The following CC2D2A variants were observed in gnomAD, a reference collection of about 807,000 sequenced individuals.
The protein encoded by CC2D2A is coiled-coil and C2 domain containing 2A.
In CC2D2A, 155 loss-of-function variants were observed where a neutral mutation model predicts 212.9. The observed-to-expected ratio is 0.73, with a 90% CI of 0.64 to 0.83. CC2D2A has a LOEUF of 0.83. Among genes scored for constraint, CC2D2A ranks in the 40% least tolerant of loss-of-function variants. The pLI, the probability that CC2D2A is intolerant of heterozygous loss-of-function variation, is 0.00. For synonymous variants in CC2D2A, 667 were observed against 686.5 expected, an observed-to-expected ratio of 0.97 and a Z score of 0.44; for missense variants, 1,856 against 1,956.2, an observed-to-expected ratio of 0.95 and a Z score of 0.97.
chr4:15,521,996 T>A (rs1224903931), intron 11 of CC2D2A, among the ~76,000 whole-genome samples: 1 of 152,072 alleles, frequency 6.6e-6, no homozygotes, highest in East Asian at 1.9e-4. Context: ...GCCATGAATT[T>A]GAGAACAGCC....
chr4:15,577,453 C>A (rs1207779724), intron 29 of CC2D2A, among the ~76,000 whole-genome samples: 1 of 152,108 alleles, frequency 6.6e-6, no homozygotes, highest in Non-Finnish European at 1.5e-5. Flanking sequence ...CATAAGTGAC[C>A]CAAATTCTTT....
chr4:15,595,164 T>G (rs905506022), intron 33 of CC2D2A, among the ~76,000 whole-genome samples: 1 of 152,168 alleles, frequency 6.6e-6, no homozygotes, highest in Non-Finnish European at 1.5e-5. Flanking sequence ...GTAGAAAATC[T>G]GTTTCATTCA....
At position 15,511,373 on chromosome 4, in the gene CC2D2A, G is replaced by A. The variant is rs1471249662; in HGVS notation, c.667G>A (p.Glu223Lys). 1.3e-6 allele frequency: 2 copies of A among 1,560,602 alleles called. No homozygotes were observed. Among genetic ancestry groups the A allele is most frequent in the South Asian group, 1.2e-5 (1 of 80,710 alleles). Reference sequence around the variant, plus strand: ...TAGAGCGGGAACTAATCAAGAGGAGGAGGAAGGGGAAGAAGAAGAACCACC... The same window carrying A: ...TAGAGCGGGAACTAATCAAGAGGAGAAGGAAGGGGAAGAAGAAGAACCACC... ...RHRAGTNQEE[E>K]EGEEEEPPAQ... Residue 223 changes from glutamate to lysine, a missense_variant, in exon 8 of 37, where the codon GAG (glutamate) becomes AAG (lysine). Glu to Lys is a moderately conservative substitution (Grantham distance 56, BLOSUM62 1). This residue lies in a region of CC2D2A where 1,512 missense variants were observed against 1,579.3 expected (regional missense o/e 0.96). Transcript: ENST00000424120.
At chr4:15,565,773 T>C (rs910288530) in intron 24 of CC2D2A, among the ~76,000 whole-genome samples, 2 of 152,040 alleles carry the variant, frequency 1.3e-5, no homozygotes, top group Admixed American at 6.6e-5. Context: ...CAAGCCCAGC[T>C]AATTTGTTTT....
rs2109070129 is a variant in CC2D2A at position 15,567,388 on chromosome 4, AG to A, written c.3195del (p.Gln1065HisfsTer34). 6.2e-7 allele frequency: 1 copy of A among 1,613,134 alleles called. No individual in the cohort carries two copies. The highest frequency in any genetic ancestry group is 8.5e-7 in the Non-Finnish European group (1 of 1,179,410). The stretch of plus-strand genomic sequence containing the variant: ...ATTTTCTCTCCTAGCAAATTCCAGC[AG>A]CCGTCGAGGTCTTCAAGGATGTTCA... ...VRKPAVSKFQ[Q>X]PSRSSRMFSE... is the part of the protein sequence containing the mutation. On this transcript the variant is annotated frameshift_variant, in exon 25 of 37. Transcript: ENST00000424120. LOFTEE classifies it high-confidence loss of function.
chr4:15,553,184 G>A lies in CC2D2A; in HGVS notation c.2365G>A (p.Gly789Ser), dbSNP rs3733641. ...AGTGCCCTTCTCATTTGAAGCTGAT[G>A]GCAGTAACCAGCTGACTCTGATGAC... ...SGVPFSFEAD[G>S]SNQLTLMTSG... Residue 789 changes from glycine (G) to serine (S), a missense_variant, in exon 19 of 37, where the codon GGC becomes AGC. This residue lies in a region of CC2D2A where 1,512 missense variants were observed against 1,579.3 expected (regional missense o/e 0.96). Transcript: ENST00000424120. The A allele has an allele frequency of 8.7e-6, 14 of 1,603,964 alleles. No individual in the cohort carries two copies. In the East Asian group the frequency reaches 2.9e-4, roughly 34 times the overall value.
chr4:15,597,276 C>T (rs181239679), intron 34 of CC2D2A, 131 bp from the exon 35 acceptor site: 12 of 708,972 alleles, frequency 1.7e-5, no homozygotes, highest in Non-Finnish European at 3.0e-5. Flanking sequence ...GTCATGGGTA[C>T]ATCAGCATGC....
intron 6 of CC2D2A, among the ~76,000 whole-genome samples, 185 bp downstream of exon 6, chr4:15,503,108 G>A (rs1577330287): frequency 6.6e-6 from 1 of 152,000 alleles, no homozygotes; most frequent in East Asian, 1.9e-4. Flanking sequence ...ACCAGCCTGG[G>A]CAACAGAGCA....
At chr4:15,475,834 C>G in intron 1 of CC2D2A, 81 bp from the exon 2 acceptor site, 1 of 1,137,232 alleles carries the variant, frequency 8.8e-7, no homozygotes, top group South Asian at 1.3e-5. Context: ...CCATCATGGC[C>G]AGCCTCTTAC....
rs1034104092 is a variant in CC2D2A at position 15,517,041 on chromosome 4, G to A, written c.1149+285G>A. Among the ~76,000 whole-genome samples, 33 of 146,758 alleles carry A rather than the reference G, an allele frequency of 2.2e-4. 1 individual carries two copies. Among genetic ancestry groups the A allele is most frequent in the Admixed American group, 2.0e-3 (28 of 14,318 alleles). The stretch of plus-strand genomic sequence containing the variant: ...CGGCTCACTGCAGGCTCCGCCTCCC[G>A]GGTTCACGCCATTCTCCTGCCTCAG... On this transcript the variant is annotated intron_variant, in intron 11 of 36. Coordinates refer to ENST00000424120, the MANE Select transcript of CC2D2A (RefSeq NM_001378615.1).
chr4:15,505,284 T>G (rs1460170610), intron 6 of CC2D2A, among the ~76,000 whole-genome samples: 1 of 152,242 alleles, frequency 6.6e-6, no homozygotes, highest in East Asian at 1.9e-4. Flanking sequence ...AGATTTGTGA[T>G]AGGTGAACAA....
At chr4:15,559,696 T>C (rs1322043769) in intron 22 of CC2D2A, among the ~76,000 whole-genome samples, 1 of 149,262 alleles carries the variant, frequency 6.7e-6, no homozygotes, top group Non-Finnish European at 1.5e-5. Context: ...CTTCCTTCAA[T>C]AAACTTAACT....
At chr4:15,567,591 C>T (rs1305940112) in intron 25 of CC2D2A, 86 bp from the exon 26 acceptor site, 8 of 1,304,772 alleles carry the variant, frequency 6.1e-6, no homozygotes, top group Non-Finnish European at 5.3e-6. Context: ...TGGAAACATA[C>T]TACTTAGTAA....
chr4:15,587,267 C>T (rs57526178), intron 31 of CC2D2A, among the ~76,000 whole-genome samples: 42,491 of 152,094 alleles, frequency 0.28, 6,127 homozygotes, highest in East Asian at 0.43. Flanking sequence ...GCAGAGCTCA[C>T]GTGGTAATGC....
intron 17 of CC2D2A, 114 bp from the exon 18 acceptor site, chr4:15,550,710 C>T (rs1718951539): frequency 3.1e-6 from 2 of 653,616 alleles, no homozygotes; most frequent in Non-Finnish European, 4.7e-6. Context: ...ATGAGATGAG[C>T]CCTTAGGGCT....
intron 36 of CC2D2A, among the ~76,000 whole-genome samples, 169 bp from the exon 37 acceptor site, chr4:15,601,068 A>AT (rs1202325876): frequency 6.6e-6 from 1 of 152,204 alleles, no homozygotes; most frequent in African/African-American, 2.4e-5. Flanking sequence ...AACAAAATGG[A>AT]TATTAAGCAG....
Position 15,502,344 on chromosome 4 carries a change from G to A in CC2D2A, c.248-85G>A, listed in dbSNP as rs1401604777. The A allele has an allele frequency of 4.9e-6, 5 of 1,018,698 alleles. No homozygotes were observed. The East Asian group carries it at 1.3e-4, about 27-fold the overall frequency. The allele number at this position is 1,018,698 out of a possible 1,614,324, so 63.1% of individuals were successfully genotyped here. On this transcript the variant is annotated intron_variant, in intron 4 of 36. Transcript: ENST00000424120. ...TTAATTTAACCTTCCCTTTTGGGGG[G>A]AGGGAATTGTTTTAAAGTAATTTTC...
chr4:15,503,046 A>G, intron 6 of CC2D2A, 123 bp downstream of exon 6: 1 of 659,122 alleles, frequency 1.5e-6, no homozygotes, highest in South Asian at 2.1e-5. Context: ...AATAATTATA[A>G]TACACTTTGG....
At chr4:15,530,465 A>G (rs1289346470) in intron 13 of CC2D2A, among the ~76,000 whole-genome samples, 2 of 152,174 alleles carry the variant, frequency 1.3e-5, no homozygotes, top group African/African-American at 4.8e-5. Context: ...TTGTTTTGGC[A>G]TACATTAAGA....
Sources: gnomAD v4.1 joint callset for allele counts (sites outside exome capture counted in the v4.1 genomes callset) on GRCh38, gnomAD v4.1.1 for gene constraint, gnomAD v4.1.1 regional missense constraint, MANE v1.5 for transcripts, NCBI Gene and HGNC (gene_info 2026-07-23, HGNC 2026-07-21) for gene names.